FBN1: variants seen among roughly 807,000 people sequenced by gnomAD.
The protein encoded by FBN1 is fibrillin 1.
FBN1 carries 29 observed loss-of-function variants against 365.1 expected under a neutral mutation model. That is an observed-to-expected ratio of 0.08 (90% confidence interval 0.06 to 0.11). FBN1 has a LOEUF of 0.11. Among genes scored for constraint, FBN1 ranks in the 10% least tolerant of loss-of-function variants. The pLI is 1.00. For synonymous variants in FBN1, 1,210 were observed against 1,270.5 expected (o/e 0.95, Z 1.01); for missense variants, 2,476 against 3,703.2 (o/e 0.67, Z 8.60).
At position 48,479,516 on chromosome 15, in the gene FBN1, C is replaced by T. The variant is rs116736839; in HGVS notation, c.3964+2139G>A. Reference sequence around the variant, plus strand: ...ATAAAACTCAAGTCTTCCTACAGTGCTAGCTGGATTTTAGCAAATTGGAAA... The same window carrying T: ...ATAAAACTCAAGTCTTCCTACAGTGTTAGCTGGATTTTAGCAAATTGGAAA... On this transcript the variant is annotated intron_variant, in intron 32 of 65. Coordinates refer to ENST00000316623, the MANE Select transcript of FBN1 (RefSeq NM_000138.5). Among the ~76,000 whole-genome samples, 431 of 152,302 alleles carry T rather than the reference C, an allele frequency of 2.8e-3. 2 individuals carry two copies. Among genetic ancestry groups the T allele is most frequent in the African/African-American group, 0.01 (421 of 41,574 alleles).
Position 48,537,628 on chromosome 15 carries a change from C to G in FBN1, c.719G>C (p.Arg240Pro). 1 of 1,614,148 alleles carries G rather than the reference C, an allele frequency of 6.2e-7. No homozygotes were observed. Among genetic ancestry groups the G allele is most frequent in the Admixed American group, 1.7e-5 (1 of 60,018 alleles). Reference sequence around the variant, plus strand: ...GGGTTTACCTTGACAAGCTCCCGTGCGGATATTTGGAATGAAGCCACGGCG... The same window carrying G: ...GGGTTTACCTTGACAAGCTCCCGTGGGGATATTTGGAATGAAGCCACGGCG... ...PCRRGFIPNIRTGACQDVDEC... is the reference protein window; with the variant it reads ...PCRRGFIPNIPTGACQDVDEC... Residue 240 changes from arginine (R) to proline (P), a missense_variant, in exon 7 of 66, where the codon CGC becomes CCC. Physicochemically the swap from Arg to Pro is moderately radical, Grantham distance 103. Coordinates refer to ENST00000316623, the MANE Select transcript of FBN1 (RefSeq NM_000138.5).
chr15:48,419,615 C>G (rs955331917), intron 63 of FBN1, among the ~76,000 whole-genome samples: 11 of 152,148 alleles, frequency 7.2e-5, no homozygotes, highest in African/African-American at 2.2e-4. Context: ...TTCAGTCAAC[C>G]CTACATGCCA....
intron 45 of FBN1, among the ~76,000 whole-genome samples, chr15:48,449,732 A>G (rs1278374919): frequency 6.6e-6 from 1 of 152,156 alleles, no homozygotes; most frequent in Non-Finnish European, 1.5e-5. Flanking sequence ...TGATTTTCCT[A>G]CTGTCACAGA....
At chr15:48,413,771 G>C (rs1440769674) in intron 64 of FBN1, among the ~76,000 whole-genome samples, 1 of 152,196 alleles carries the variant, frequency 6.6e-6, no homozygotes, top group Non-Finnish European at 1.5e-5. Context: ...TGTAATAGCT[G>C]ATCTGCTCTT....
rs1597552479 is a variant in FBN1, at chr15:48,472,620, C to T, written c.4267G>A (p.Ala1423Thr). Reference protein sequence around the residue: ...NLCGNGQCLNAPGGYRCECDM... With the variant: ...NLCGNGQCLNTPGGYRCECDM... ...CATTCACAGCGGTATCCTCCTGGTG[C>T]ATTGAGGCACTGGCCATTGCCACAG... Residue 1423 changes from alanine to threonine, a missense_variant, in exon 35 of 66, where the codon GCA becomes ACA. By Grantham distance (58) the Ala-to-Thr change is moderately conservative (BLOSUM62 0). Coordinates refer to ENST00000316623, the MANE Select transcript of FBN1 (RefSeq NM_000138.5). 6.2e-7 allele frequency: 1 copy of T among 1,614,212 alleles called. No individual in the cohort carries two copies. The highest frequency in any genetic ancestry group is 2.2e-5 in the East Asian group (1 of 44,882).
intron 32 of FBN1, among the ~76,000 whole-genome samples, chr15:48,477,801 C>T (rs957561903): frequency 6.6e-6 from 1 of 152,146 alleles, no homozygotes; most frequent in African/African-American, 2.4e-5. Flanking sequence ...CCAAGAAAAG[C>T]AAAGAAATTC....
chr15:48,426,842 T>A lies in FBN1; in HGVS notation c.7204+725A>T, dbSNP rs3784626. On this transcript the variant is annotated intron_variant, in intron 58 of 65. Transcript: ENST00000316623. ...TCTAGGTCTGTTTTTTCTTTTTTTT[T>A]AAATCACATCCAGTTCCATTATTCT... 4.5e-4 allele frequency among the ~76,000 whole-genome samples: 68 copies of A among 152,292 alleles called. 1 individual carries two copies. The East Asian group carries it at 7.5e-3, about 17-fold the overall frequency.
intron 6 of FBN1, among the ~76,000 whole-genome samples, chr15:48,577,829 T>C (rs1423050437): frequency 1.3e-5 from 2 of 152,182 alleles, no homozygotes; most frequent in African/African-American, 2.4e-5. Flanking sequence ...TCGTCCTTTT[T>C]GCAACGCCTT....
At chr15:48,618,990 T>G (rs1439423558) in intron 2 of FBN1, among the ~76,000 whole-genome samples, 2 of 152,192 alleles carry the variant, frequency 1.3e-5, no homozygotes, top group East Asian at 3.8e-4. Context: ...AGTTGTATAA[T>G]TATCTCATAA....
intron 64 of FBN1, among the ~76,000 whole-genome samples, chr15:48,414,881 G>C (rs1215709794): frequency 1.6e-5 from 2 of 121,252 alleles, no homozygotes; most frequent in Non-Finnish European, 3.3e-5. Context: ...GGGCGACAGA[G>C]CAAGACTCCG....
Position 48,487,413 on chromosome 15 carries a change from G to T in FBN1, c.3362C>A (p.Pro1121His). The T allele has an allele frequency of 6.2e-7, 1 of 1,614,088 alleles. No individual in the cohort carries two copies. The highest frequency in any genetic ancestry group is 8.5e-7 in the Non-Finnish European group (1 of 1,180,018). ...GCAAACACCACCTCGGCATAGGAGAGGATCTCTCTGACACTCATCAATATC... is the reference window on the plus strand; with the variant it reads ...GCAAACACCACCTCGGCATAGGAGATGATCTCTCTGACACTCATCAATATC... ...CMDIDECQRD[P>H]LLCRGGVCHN... Residue 1121 changes from proline to histidine, a missense_variant, in exon 28 of 66, where the codon CCT becomes CAT. Around this residue, in one of 5 missense-constraint regions of FBN1, gnomAD observed 1,780 missense variants for 2,840.8 expected, o/e 0.63. Coordinates refer to ENST00000316623, the MANE Select transcript of FBN1 (RefSeq NM_000138.5).
Position 48,468,430 on chromosome 15 carries a change from T to G in FBN1, c.4564A>C (p.Thr1522Pro). The change falls in exon 37 of 66, where the codon ACT becomes CCT. Residue 1522 changes from threonine (T) to proline (P), a missense_variant. Physicochemically the swap from Thr to Pro is conservative, Grantham distance 38. Transcript: ENST00000316623. Reference protein sequence around the residue: ...DCPPDFELNPTRVGCVDTRSG... With the variant: ...DCPPDFELNPPRVGCVDTRSG... ...GTCTTACCAACACAGCCAACTCGAG[T>G]TGGGTTCAGTTCAAAATCAGGTGGG... 1 of 1,614,110 alleles carries G rather than the reference T, an allele frequency of 6.2e-7. No homozygotes were observed. The highest frequency in any genetic ancestry group is 8.5e-7 in the Non-Finnish European group (1 of 1,180,030).
chr15:48,530,125 C>T lies in FBN1; in HGVS notation c.863-3870G>A, dbSNP rs550181508. On this transcript the variant is annotated intron_variant, in intron 8 of 65. Transcript: ENST00000316623. Reference sequence around the variant, plus strand: ...TCTGAATTCTTATCCATGCTGCATCCGCCGCATCACAACTTGAAAATGGAG... The same window carrying T: ...TCTGAATTCTTATCCATGCTGCATCTGCCGCATCACAACTTGAAAATGGAG... 9.2e-5 allele frequency among the ~76,000 whole-genome samples: 12 copies of T among 130,542 alleles called. 1 individual carries two copies. The highest frequency in any genetic ancestry group is 4.6e-4 in the East Asian group (2 of 4,332). The allele number at this position is 130,542 out of a possible 152,430, so 85.6% of individuals were successfully genotyped here.
Position 48,427,622 on chromosome 15 carries a change from A to T in FBN1, c.7149T>A (p.Thr2383=), listed in dbSNP as rs2141228878. 1 of 1,614,192 alleles carries T rather than the reference A, an allele frequency of 6.2e-7. No individual in the cohort carries two copies. ...GGGGACAGAGTTTCTTGAAAGCCAC[A>T]GTCCCCTGGAAAGGGCAGATCTCAC... ...PHCEICPFQG[T]VAFKKLCPHG... Residue 2383 remains threonine (T), a synonymous_variant, in exon 58 of 66, where the codon ACT becomes ACA. Coordinates refer to ENST00000316623, the MANE Select transcript of FBN1 (RefSeq NM_000138.5).
intron 14 of FBN1, 118 bp from the exon 15 acceptor site, chr15:48,508,822 A>G: frequency 8.2e-7 from 1 of 1,212,686 alleles, no homozygotes; most frequent in African/African-American, 1.5e-5. Context: ...ATTACAGCCT[A>G]AGGCTAACTT....
chr15:48,581,581 T>A (rs1469219934), intron 6 of FBN1, among the ~76,000 whole-genome samples: 1 of 152,050 alleles, frequency 6.6e-6, no homozygotes, highest in Non-Finnish European at 1.5e-5. Context: ...AAAGACAAGC[T>A]CTCCTTGACA....
intron 2 of FBN1, 162 bp downstream of exon 2, chr15:48,644,444 G>T: frequency 2.1e-6 from 2 of 931,864 alleles, no homozygotes; most frequent in Non-Finnish European, 3.3e-6. Context: ...GGGCAAGGTA[G>T]TTTAACCACG....
rs182146442 is a variant in FBN1 at position 48,461,837 on chromosome 15, C to G, written c.5224+1245G>C. Among the ~76,000 whole-genome samples the G allele has an allele frequency of 2.6e-5, 4 of 152,236 alleles. No homozygotes were observed. The East Asian group carries it at 7.7e-4, about 29-fold the overall frequency. On this transcript the variant is annotated intron_variant, in intron 42 of 65. Transcript: ENST00000316623. ...CTAAAAAAGTTTTATTTATGGGAAACAAAATCTGAAGTTCATGTAACTTTC... is the reference window on the plus strand; with the variant it reads ...CTAAAAAAGTTTTATTTATGGGAAAGAAAATCTGAAGTTCATGTAACTTTC...
intron 6 of FBN1, among the ~76,000 whole-genome samples, chr15:48,563,436 G>A (rs573535248): frequency 1.9e-4 from 29 of 151,852 alleles, no homozygotes; most frequent in Middle Eastern, 6.8e-3. Flanking sequence ...AGGGAGGAGG[G>A]AAAAAAACCC....
Sources: allele counts gnomAD v4.1 joint callset (sites outside exome capture counted in the v4.1 genomes callset), GRCh38; gene constraint gnomAD v4.1.1; regional missense constraint gnomAD v4.1.1; transcripts MANE v1.5; gene names NCBI Gene and HGNC (gene_info 2026-07-23, HGNC 2026-07-21).